UBE2E2: variants seen among roughly 807,000 people sequenced by gnomAD.
UBE2E2 encodes ubiquitin-conjugating enzyme E2 E2.
Under a neutral mutation model 24.7 loss-of-function variants are expected in UBE2E2, and 6 were observed. The observed-to-expected ratio is 0.24, with a 90% CI of 0.13 to 0.48. The LOEUF is 0.48. UBE2E2 is among the 20% of genes least tolerant of loss of function. The pLI is 0.99. For missense variants in UBE2E2, 169 were observed against 245.0 expected (o/e 0.69, Z 2.07); for synonymous variants, 104 against 83.6 (o/e 1.24, Z -1.33).
intron 3 of UBE2E2, among the ~76,000 whole-genome samples, chr3:23,270,560 C>A (rs113884907): frequency 2.0e-5 from 3 of 152,076 alleles, no homozygotes; most frequent in African/African-American, 7.2e-5. Context: ...GGTATTCTGG[C>A]CCTGAGGAAG....
intron 5 of UBE2E2, among the ~76,000 whole-genome samples, chr3:23,588,410 GTTTT>G (rs199679364): frequency 1.9e-4 from 25 of 130,038 alleles, no homozygotes; most frequent in Admixed American, 7.4e-4. Flanking sequence ...TTGTTTTTTT[GTTTT>G]TTTTTTTTTG....
At chr3:23,332,675 GTGTGT>G (rs1205784038) in intron 3 of UBE2E2, among the ~76,000 whole-genome samples, 3,912 of 106,510 alleles carry the variant, frequency 0.037, 197 homozygotes, top group African/African-American at 0.12. Flanking sequence ...AGCCAGTGGG[GTGTGT>G]GTGTGTGTGT....
chr3:23,339,665 T>C lies in UBE2E2; in HGVS notation c.227+122353T>C, dbSNP rs931269114. Among the ~76,000 whole-genome samples, 12 of 147,424 alleles carry C rather than the reference T, an allele frequency of 8.1e-5. 2 individuals carry two copies. Among genetic ancestry groups the C allele is most frequent in the Admixed American group, 2.0e-4 (3 of 15,156 alleles). ...TTTATTAAATTTGACTTTATAATTA[T>C]GTTATGTTTAAATTTTGATTCCTGA... is the stretch of plus-strand genomic sequence containing the variant. On this transcript the variant is annotated intron_variant, in intron 3 of 5. Transcript: ENST00000396703.
intron 3 of UBE2E2, among the ~76,000 whole-genome samples, chr3:23,255,079 CTTTTT>C (rs202015038): frequency 1.2e-5 from 1 of 85,950 alleles, no homozygotes; most frequent in Non-Finnish European, 2.1e-5. Context: ...GAGTAACTTC[CTTTTT>C]TTTTTTTTTT....
intron 3 of UBE2E2, among the ~76,000 whole-genome samples, chr3:23,304,916 G>C (rs7648425): frequency 0.81 from 123,497 of 152,036 alleles, 50,356 homozygotes; most frequent in African/African-American, 0.89. Context: ...CTTACCCATG[G>C]ATGATTTTGT....
chr3:23,527,805 T>A (rs1695033612), intron 4 of UBE2E2, among the ~76,000 whole-genome samples: 1 of 152,116 alleles, frequency 6.6e-6, no homozygotes, highest in African/African-American at 2.4e-5. Context: ...GCATGGCAAC[T>A]CTATACCACC....
intron 4 of UBE2E2, among the ~76,000 whole-genome samples, chr3:23,521,571 T>G (rs1025705854): frequency 6.6e-6 from 1 of 152,232 alleles, no homozygotes; most frequent in African/African-American, 2.4e-5. Context: ...GTTAAGTTTG[T>G]TATTCAAGAG....
chr3:23,345,306 G>A (rs1451979672), intron 3 of UBE2E2, among the ~76,000 whole-genome samples: 1 of 152,082 alleles, frequency 6.6e-6, no homozygotes, highest in Non-Finnish European at 1.5e-5. Flanking sequence ...TGGACACCTG[G>A]TATTAAACTC....
At chr3:23,496,159 C>CT (rs200132414) in intron 3 of UBE2E2, among the ~76,000 whole-genome samples, 481 of 152,108 alleles carry the variant, frequency 3.2e-3, no homozygotes, top group African/African-American at 0.01. Context: ...ACAGTAGGAT[C>CT]TTTTTTTTAT....
intron 3 of UBE2E2, among the ~76,000 whole-genome samples, chr3:23,295,628 G>A (rs1000818305): frequency 2.0e-5 from 3 of 152,122 alleles, no homozygotes; most frequent in African/African-American, 4.8e-5. Context: ...TTCGAATATC[G>A]GTGGCTAGTG....
intron 3 of UBE2E2, among the ~76,000 whole-genome samples, chr3:23,270,574 A>G (rs1289754523): frequency 6.6e-6 from 1 of 152,192 alleles, no homozygotes; most frequent in Non-Finnish European, 1.5e-5. Flanking sequence ...GAGGAAGTAT[A>G]GAGTACATAC....
intron 3 of UBE2E2, among the ~76,000 whole-genome samples, chr3:23,283,595 C>T (rs1360960786): frequency 6.6e-6 from 1 of 152,032 alleles, no homozygotes; most frequent in African/African-American, 2.4e-5. Flanking sequence ...GGCATGGTGG[C>T]ACACACTTAT....
intron 2 of UBE2E2, among the ~76,000 whole-genome samples, chr3:23,212,088 A>T (rs1428207263): frequency 6.6e-6 from 1 of 152,234 alleles, no homozygotes; most frequent in African/African-American, 2.4e-5. Flanking sequence ...AATAATTGTA[A>T]TGCAGTAATT....
intron 4 of UBE2E2, among the ~76,000 whole-genome samples, chr3:23,515,906 T>C (rs887465166): frequency 6.6e-6 from 1 of 152,038 alleles, no homozygotes; most frequent in Non-Finnish European, 1.5e-5. Context: ...GAGTTGGAGA[T>C]AGCAGTGAGC....
chr3:23,252,239 C>T (rs1274502951), intron 3 of UBE2E2, among the ~76,000 whole-genome samples: 2 of 152,064 alleles, frequency 1.3e-5, no homozygotes, highest in Admixed American at 1.3e-4. Context: ...GTGTCATCAC[C>T]ATAAAAGTTG....
chr3:23,257,530 C>A (rs929413347), intron 3 of UBE2E2, among the ~76,000 whole-genome samples: 1 of 16,260 alleles, frequency 6.2e-5, no homozygotes, highest in Non-Finnish European at 1.0e-4. Flanking sequence ...CCCCCCCCCA[C>A]TTTTTTTTTT....
intron 5 of UBE2E2, among the ~76,000 whole-genome samples, chr3:23,546,848 T>C (rs1695535818): frequency 6.6e-6 from 1 of 152,158 alleles, no homozygotes; most frequent in Non-Finnish European, 1.5e-5. Context: ...ATTATAGTGG[T>C]GAAAACAGAT....
At position 23,486,491 on chromosome 3, in the gene UBE2E2, G is replaced by A. The variant is rs548918890; in HGVS notation, c.228-13117G>A. 1.3e-4 allele frequency among the ~76,000 whole-genome samples: 20 copies of A among 152,226 alleles called. 1 individual carries two copies. Among genetic ancestry groups the A allele is most frequent in the African/African-American group, 4.8e-4 (20 of 41,538 alleles). On this transcript the variant is annotated intron_variant, in intron 3 of 5. Coordinates refer to ENST00000396703, the MANE Select transcript of UBE2E2 (RefSeq NM_152653.4). ...CAAATGGAGGAAAGCATGTTTTCTC[G>A]GGGTCATGTTTCAGCTAGTTTGTGC...
intron 3 of UBE2E2, among the ~76,000 whole-genome samples, chr3:23,249,006 C>T (rs1697498381): frequency 6.6e-6 from 1 of 152,196 alleles, no homozygotes. Context: ...TGCAGTGGCT[C>T]ATGCCTGTAA....
Sources: allele counts gnomAD v4.1 joint callset (sites outside exome capture counted in the v4.1 genomes callset), GRCh38; gene constraint gnomAD v4.1.1; transcripts MANE v1.5; gene names NCBI Gene and HGNC (gene_info 2026-07-23, HGNC 2026-07-21).